CDKN2A: variants seen among roughly 807,000 people sequenced by gnomAD.
CDKN2A encodes cyclin-dependent kinase inhibitor 2A.
Under a neutral mutation model 11.1 loss-of-function variants are expected in CDKN2A, and 3 were observed. The ratio of observed to expected loss-of-function variants is 0.27; its 90% CI spans 0.12 to 0.70. The LOEUF is 0.70. CDKN2A is among the 30% of genes least tolerant of loss of function. The probability of loss-of-function intolerance (pLI) is 0.77; values close to 1 mark genes in which losing one functional copy is unlikely to be tolerated. For missense variants in CDKN2A, 265 were observed against 233.6 expected (o/e 1.13, Z -0.88); for synonymous variants, 122 against 108.1 (o/e 1.13, Z -0.80).
chr9:21,994,507 T>TTCACCC (rs1820549335), intron 1 of CDKN2A: 2 of 1,197,326 alleles, frequency 1.7e-6, no homozygotes, highest in East Asian at 6.9e-5. Context: ...GCCCCCCACC[T>TTCACCC]TCACCCCCAC....
chr9:21,971,056 C>A lies in CDKN2A; in HGVS notation c.303G>T (p.Gly101=), dbSNP rs1554654044. 6.2e-7 allele frequency: 1 copy of A among 1,605,496 alleles called. No homozygotes were observed. Among genetic ancestry groups the A allele is most frequent in the Non-Finnish European group, 8.5e-7 (1 of 1,179,354 alleles). ...LDTLVVLHRA[G]ARLDVRDAWG... is the part of the protein sequence containing the mutation. Reference sequence around the variant, plus strand: ...AGGCATCGCGCACGTCCAGCCGCGCCCCGGCCCGGTGCAGCACCACCAGCG... The same window carrying A: ...AGGCATCGCGCACGTCCAGCCGCGCACCGGCCCGGTGCAGCACCACCAGCG... The change falls in exon 2 of 3, where the codon GGG becomes GGT. Residue 101 remains glycine, a synonymous_variant. Transcript: ENST00000304494.
intron 2 of CDKN2A, among the ~76,000 whole-genome samples, chr9:21,980,990 G>GTA (rs373665640): frequency 0.12 from 486 of 4,052 alleles, 220 homozygotes; most frequent in Middle Eastern, 0.33. Context: ...ATATATACAC[G>GTA]TATATATATA....
rs543835845 is a variant in CDKN2A at position 21,967,931 on chromosome 9, G to A, written c.*298C>T. On this transcript the variant is annotated 3_prime_UTR_variant, in exon 3 of 3. Coordinates refer to ENST00000304494, the MANE Select transcript of CDKN2A (RefSeq NM_000077.5). ...TCGCAAGAAATGCCCACATGAATGT[G>A]CGCTTAGGGCGTGAGTGCTCACTCC... 1 of 414,892 alleles carries A rather than the reference G, an allele frequency of 2.4e-6. No individual in the cohort carries two copies. Among genetic ancestry groups the A allele is most frequent in the Non-Finnish European group, 4.3e-6 (1 of 231,778 alleles). The allele number at this position is 414,892 out of a possible 1,614,324, so 25.7% of individuals were successfully genotyped here. A position where few individuals can be genotyped will look rare whatever the true frequency, so the allele number is the denominator to read the frequency against.
chr9:21,992,100 A>C, intron 2 of CDKN2A: 1 of 857,378 alleles, frequency 1.2e-6, no homozygotes, highest in African/African-American at 1.8e-5. Context: ...CAATCATATA[A>C]AAATAAAAAG....
chr9:21,974,944 C>A (rs1819976737), upstream of CDKN2A: 2 of 1,421,892 alleles, frequency 1.4e-6, no homozygotes, highest in Admixed American at 3.2e-5. This position sits in a 1 kb window ranked among gnomAD's most constrained non-coding sequence, Gnocchi z 5.2. Flanking sequence ...CCGGTGCTGG[C>A]GGAAGAGCCC....
At chr9:21,994,037 C>T (rs1820518492) in exon 2 of CDKN2A, 12 of 1,353,074 alleles carry the variant, frequency 8.9e-6, no homozygotes, top group Admixed American at 7.8e-5. Flanking sequence ...GTTATCTCCT[C>T]CTCCTCCTAG....
At chr9:21,986,884 T>G (rs910479858) in intron 2 of CDKN2A, among the ~76,000 whole-genome samples, 7 of 151,794 alleles carry the variant, frequency 4.6e-5, no homozygotes, top group African/African-American at 1.7e-4. Flanking sequence ...ACTGGGGGAG[T>G]CATTGTTCTC....
rs889669305 is a variant in CDKN2A at position 21,968,668 on chromosome 9, C to A, written c.458-426G>T. 11 of 1,535,340 alleles carry A rather than the reference C, an allele frequency of 7.2e-6. No homozygotes were observed. The highest frequency in any genetic ancestry group is 8.7e-6 in the Non-Finnish European group (10 of 1,146,378). The stretch of plus-strand genomic sequence containing the variant: ...GGTGCGGAGTGAGCCAGCCAGCTTG[C>A]GATAACCAAAGGGCGCCTCAGGCTC... On this transcript the variant is annotated intron_variant, in intron 2 of 2. Coordinates refer to ENST00000304494, the MANE Select transcript of CDKN2A (RefSeq NM_000077.5). The surrounding 1 kb of genome is among the most constrained non-coding windows in gnomAD (Gnocchi z 4.7).
chr9:21,968,660 C>A lies in CDKN2A; in HGVS notation c.458-418G>T, dbSNP rs1169244573. ...TTGCACCTGGTGCGGAGTGAGCCAG[C>A]CAGCTTGCGATAACCAAAGGGCGCC... On this transcript the variant is annotated intron_variant, in intron 2 of 2. Transcript: ENST00000304494. This position sits in a 1 kb window ranked among gnomAD's most constrained non-coding sequence, Gnocchi z 4.7. 4 of 1,534,554 alleles carry A rather than the reference C, an allele frequency of 2.6e-6. No individual in the cohort carries two copies. The highest frequency in any genetic ancestry group is 1.4e-5 in the African/African-American group (1 of 73,128).
rs1820439681 is a variant in CDKN2A, at chr9:21,991,944, T to G, written c.-4+1938A>C. ...AATAACCTGAGCCTTCTGAAGTAGC[T>G]ATAAACAAATGAATATTTAACTTCA... is the stretch of plus-strand genomic sequence containing the variant. On this transcript the variant is annotated intron_variant, in intron 2 of 3. Coordinates refer to the CDKN2A transcript ENST00000494262. This position sits in a 1 kb window ranked among gnomAD's most constrained non-coding sequence, Gnocchi z 5.2. 1.0e-6 allele frequency: 1 copy of G among 983,066 alleles called. No individual in the cohort carries two copies. Among genetic ancestry groups the G allele is most frequent in the African/African-American group, 1.7e-5 (1 of 57,194 alleles). The allele number at this position is 983,066 out of a possible 1,614,324, so 60.9% of individuals were successfully genotyped here.
intron 2 of CDKN2A, chr9:21,989,316 T>C (rs1284812581): frequency 6.6e-6 from 1 of 152,252 alleles, no homozygotes; most frequent in Non-Finnish European, 1.5e-5. Context: ...ATCGGTTGGC[T>C]TACTGTCATG....
chr9:21,989,424 T>A (rs182416148), intron 2 of CDKN2A: 1 of 152,046 alleles, frequency 6.6e-6, no homozygotes, highest in East Asian at 1.9e-4. Flanking sequence ...AGCTGCAATA[T>A]AAGAAGAAAA....
upstream of CDKN2A, among the ~76,000 whole-genome samples, chr9:21,978,862 C>A (rs1820106114): frequency 6.6e-6 from 1 of 152,162 alleles, no homozygotes; most frequent in African/African-American, 2.4e-5. Flanking sequence ...CTTATTGGTT[C>A]TTTAACTTTT....
intron 2 of CDKN2A, among the ~76,000 whole-genome samples, chr9:21,987,593 T>C (rs1563899144): frequency 6.6e-6 from 1 of 152,106 alleles, no homozygotes; most frequent in African/African-American, 2.4e-5. Context: ...TATATTTTTT[T>C]CTCTCAAACT....
intron 2 of CDKN2A, 99 bp downstream of exon 2, chr9:21,970,803 G>T (rs1334437871): frequency 1.4e-6 from 2 of 1,450,806 alleles, no homozygotes; most frequent in Non-Finnish European, 1.9e-6. Context: ...AGGCAAGACC[G>T]GAGACTGGTC....
At chr9:21,977,726 G>T (rs1263235756), upstream of CDKN2A, among the ~76,000 whole-genome samples, 1 of 152,092 alleles carries the variant, frequency 6.6e-6, no homozygotes, top group Non-Finnish European at 1.5e-5. Context: ...AGAGTCTGTT[G>T]AAATAAATAC....
intron 1 of CDKN2A, chr9:21,971,437 A>G: frequency 1.5e-6 from 2 of 1,377,264 alleles, no homozygotes; most frequent in Non-Finnish European, 1.9e-6. Flanking sequence ...CTGTCGTCAC[A>G]GGCAGAGAGC....
At chr9:21,992,082 T>C in intron 2 of CDKN2A, 1 of 893,040 alleles carries the variant, frequency 1.1e-6, no homozygotes, top group Non-Finnish European at 1.3e-6. Context: ...TTTTAGTATA[T>C]GTATTTCCAA....
At position 21,991,026 on chromosome 9, in the gene CDKN2A, G is replaced by T. The variant is rs1026857990; in HGVS notation, c.-4+2856C>A. 6.6e-6 allele frequency among the ~76,000 whole-genome samples: 1 copy of T among 152,186 alleles called. No homozygotes were observed. The highest frequency in any genetic ancestry group is 1.5e-5 in the Non-Finnish European group (1 of 68,040). ...TTAGGTATATGAGAATCAGAATTCA[G>T]ATAATTTGTCTTAAAAATTCATATT... On this transcript the variant is annotated intron_variant, in intron 2 of 3. Transcript: ENST00000494262. This position sits in a 1 kb window ranked among gnomAD's most constrained non-coding sequence, Gnocchi z 5.2.
Sources: allele counts gnomAD v4.1 joint callset (sites outside exome capture counted in the v4.1 genomes callset), GRCh38; gene constraint gnomAD v4.1.1; non-coding constraint Gnocchi (gnomAD v3.1); transcripts MANE v1.5; gene names NCBI Gene and HGNC (gene_info 2026-07-23, HGNC 2026-07-21).